Variants in URGCP observed in about 807,000 individuals in gnomAD.
URGCP encodes up-regulator of cell proliferation.
A neutral mutation model predicts 24.6 loss-of-function variants in URGCP; 13 were observed. That is an observed-to-expected ratio of 0.53 (90% CI 0.34 to 0.84). The LOEUF (loss-of-function observed/expected upper bound fraction) is 0.84. Ranked by LOEUF, URGCP falls within the 40% of genes least tolerant of loss-of-function variation. The pLI is 0.01. For missense variants in URGCP, 899 were observed against 1,194.3 expected (o/e 0.75, Z 3.64); for synonymous variants, 444 against 487.2 (o/e 0.91, Z 1.17).
upstream of URGCP, among the ~76,000 whole-genome samples, chr7:43,911,563 G>A (rs35662836): frequency 0.12 from 17,751 of 152,102 alleles, 1,172 homozygotes; most frequent in Admixed American, 0.18. Context: ...CAGGCGTGGC[G>A]GTGGATGTCT....
intron 1 of URGCP, among the ~76,000 whole-genome samples, chr7:43,913,409 G>A (rs1249103544): frequency 2.0e-5 from 3 of 151,118 alleles, no homozygotes; most frequent in Admixed American, 6.6e-5. Flanking sequence ...TAGTAGAGAC[G>A]GGGTTTCACC....
chr7:43,916,130 C>T (rs958680572), intron 1 of URGCP, among the ~76,000 whole-genome samples: 10 of 152,272 alleles, frequency 6.6e-5, no homozygotes, highest in Non-Finnish European at 8.8e-5. Flanking sequence ...CCTGCATTTA[C>T]GCTGTTTTTC....
At chr7:43,888,859 T>A (rs2095866164) in intron 1 of URGCP, 1 of 152,240 alleles carries the variant, frequency 6.6e-6, no homozygotes, top group African/African-American at 2.4e-5. Flanking sequence ...CCTAGCACCC[T>A]TTAATACCTT....
At chr7:43,891,420 A>G (rs2132677297) in intron 1 of URGCP, among the ~76,000 whole-genome samples, 1 of 152,306 alleles carries the variant, frequency 6.6e-6, no homozygotes, top group East Asian at 1.9e-4. Flanking sequence ...ACCAAGGAAA[A>G]GCAAAGAGAA....
intron 1 of URGCP, 38 bp downstream of exon 1, chr7:43,906,524 C>A: frequency 2.5e-6 from 3 of 1,203,378 alleles, no homozygotes; most frequent in Non-Finnish European, 3.1e-6. Flanking sequence ...TTCCTGCCGG[C>A]AGCCGCGGGG....
intron 1 of URGCP, among the ~76,000 whole-genome samples, chr7:43,924,031 G>GCCCA: frequency 6.6e-6 from 1 of 151,802 alleles, no homozygotes; most frequent in Non-Finnish European, 1.5e-5. Flanking sequence ...CACCACACCT[G>GCCCA]GCTAAATTTT....
intron 1 of URGCP, among the ~76,000 whole-genome samples, chr7:43,903,429 G>C (rs944476977): frequency 2.0e-5 from 3 of 152,190 alleles, no homozygotes; most frequent in Admixed American, 2.0e-4. Context: ...ATAAGAATAA[G>C]TGACTATTTA....
Position 43,877,906 on chromosome 7 carries a change from G to A in URGCP, c.1557C>T (p.Asp519=). The part of the protein sequence containing the change: ...KEFCQLQWAV[D]PPEKHRAELR... ...GCTCAGCCCTGTGCTTCTCAGGGGG[G>A]TCCACGGCCCACTGGAGCTGGCAGA... Residue 519 remains aspartate (D), a synonymous_variant, in exon 6 of 6, where the codon GAC becomes GAT. Transcript: ENST00000453200. 6.2e-7 allele frequency: 1 copy of A among 1,613,978 alleles called. No individual in the cohort carries two copies. The highest frequency in any genetic ancestry group is 8.5e-7 in the Non-Finnish European group (1 of 1,180,004).
chr7:43,911,083 T>C (rs1007316100), upstream of URGCP, among the ~76,000 whole-genome samples: 9 of 151,878 alleles, frequency 5.9e-5, no homozygotes, highest in African/African-American at 1.7e-4. Context: ...CATAAGAAAA[T>C]AGACAGCCTG....
chr7:43,887,265 C>A, intron 3 of URGCP, 150 bp downstream of exon 3: 1 of 905,240 alleles, frequency 1.1e-6, no homozygotes, highest in Non-Finnish European at 1.6e-6. Flanking sequence ...ATGGAATCTT[C>A]TTGTAAAAGG....
Position 43,881,736 on chromosome 7 carries a change from T to C in URGCP, c.164-39A>G, listed in dbSNP as rs768324600. 5.0e-6 allele frequency: 8 copies of C among 1,613,898 alleles called. No homozygotes were observed. In the African/African-American group the frequency reaches 9.3e-5, roughly 19 times the overall value. On this transcript the variant is annotated intron_variant, in intron 4 of 5. Transcript: ENST00000453200. ...AATGGAAAATGAAGTGTCAATCAAA[T>C]AATGCACCCTTGGCTGACACAAATT...
At chr7:43,925,463 G>A (rs983748741) in intron 1 of URGCP, among the ~76,000 whole-genome samples, 2 of 152,006 alleles carry the variant, frequency 1.3e-5, no homozygotes, top group Non-Finnish European at 2.9e-5. Flanking sequence ...CCTTTACTAT[G>A]TGAAATGCAC....
intron 1 of URGCP, chr7:43,905,864 A>AT (rs1193740735): frequency 6.6e-6 from 1 of 152,316 alleles, no homozygotes; most frequent in South Asian, 2.1e-4. Context: ...CCAAGTGAGA[A>AT]TTTTTTCTCA....
chr7:43,898,948 C>T (rs1207479130), intron 1 of URGCP, among the ~76,000 whole-genome samples: 2 of 148,966 alleles, frequency 1.3e-5, no homozygotes, highest in Non-Finnish European at 1.5e-5. Context: ...CTAGCCTGGC[C>T]AACATGGTGA....
chr7:43,877,043 TC>T lies in URGCP; in HGVS notation c.2419del (p.Glu807LysfsTer39). ...AAILHAFLRL[E>X]KTGHMPNYQF... is the part of the protein sequence containing the mutation. ...GTAGTTGGGCATGTGCCCCGTTTTT[TC>T]TAACCTCAGAAATGCATGCAGAATA... On this transcript the variant is annotated frameshift_variant, in exon 6 of 6. Transcript: ENST00000453200. LOFTEE classifies it high-confidence loss of function. 6.2e-7 allele frequency: 1 copy of T among 1,614,258 alleles called. No individual in the cohort carries two copies. The highest frequency in any genetic ancestry group is 8.5e-7 in the Non-Finnish European group (1 of 1,180,050).
At chr7:43,920,867 T>C (rs906188556) in intron 1 of URGCP, among the ~76,000 whole-genome samples, 1 of 152,172 alleles carries the variant, frequency 6.6e-6, no homozygotes, top group East Asian at 1.9e-4. Context: ...GCTATCCCCA[T>C]GTATTGGGCC....
At chr7:43,896,620 T>G (rs1259429536) in intron 1 of URGCP, among the ~76,000 whole-genome samples, 1 of 152,156 alleles carries the variant, frequency 6.6e-6, no homozygotes, top group African/African-American at 2.4e-5. Context: ...CCCCATACAA[T>G]GGAAAATAGA....
At chr7:43,899,012 TA>T (rs1173899550) in intron 1 of URGCP, among the ~76,000 whole-genome samples, 1 of 149,542 alleles carries the variant, frequency 6.7e-6, no homozygotes, top group Non-Finnish European at 1.5e-5. Context: ...CGCATGCCTG[TA>T]ATCCCAGCTA....
At chr7:43,885,242 AGGCG>A (rs2095860401) in intron 3 of URGCP, among the ~76,000 whole-genome samples, 1 of 151,866 alleles carries the variant, frequency 6.6e-6, no homozygotes, top group South Asian at 2.1e-4. Flanking sequence ...CTAAGACTAC[AGGCG>A]CCCACCATCC....
Sources: gnomAD v4.1 joint callset for allele counts (sites outside exome capture counted in the v4.1 genomes callset) on GRCh38, gnomAD v4.1.1 for gene constraint, MANE v1.5 for transcripts, NCBI Gene and HGNC (gene_info 2026-07-23, HGNC 2026-07-21) for gene names.